The following SLC39A9 variants were observed in gnomAD, a reference collection of about 807,000 sequenced individuals.
SLC39A9 encodes the protein solute carrier family 39 member 9, also known as zinc transporter ZIP9.
SLC39A9 carries 14 observed loss-of-function variants against 28.4 expected under a neutral mutation model. That is an observed-to-expected ratio of 0.49 (90% confidence interval 0.33 to 0.77). The LOEUF (loss-of-function observed/expected upper bound fraction) is 0.77. Among genes scored for constraint, SLC39A9 ranks in the 30% least tolerant of loss-of-function variants. The pLI is 0.02. For synonymous variants in SLC39A9, 119 were observed against 149.6 expected (o/e 0.80, Z 1.49); for missense variants, 283 against 381.1 (o/e 0.74, Z 2.14).
chr14:69,398,556 A>G (rs1882437101), upstream of SLC39A9: 1 of 471,698 alleles, frequency 2.1e-6, no homozygotes, highest in Admixed American at 3.7e-5. Context: ...CGGTATAGAC[A>G]GTGACATCAG....
At position 69,461,460 on chromosome 14, in the gene SLC39A9, AACAGTACT is replaced by A. The variant is rs1167360154; in HGVS notation, c.*2870_*2877del. On this transcript the variant is annotated 3_prime_UTR_variant, in exon 7 of 7. Transcript: ENST00000336643. ...CTGCACTGGAACGTAGACAGTTGGA[AACAGTACT>A]ACCTACCTAGAGGTTATGTGTTTTC... is the stretch of plus-strand genomic sequence containing the variant. The A allele has an allele frequency of 2.9e-6, 4 of 1,363,482 alleles. No individual in the cohort carries two copies. The African/African-American group carries it at 5.8e-5, about 20-fold the overall frequency. The allele number at this position is 1,363,482 out of a possible 1,614,324, so 84.5% of individuals were successfully genotyped here.
In SLC39A9 at chr14:69,459,955, ACCT is replaced by A; in HGVS notation, c.*1367_*1369del. On this transcript the variant is annotated 3_prime_UTR_variant, in exon 7 of 7. Coordinates refer to ENST00000336643, the MANE Select transcript of SLC39A9 (RefSeq NM_018375.5). ...CGCTTTGTTGAGCCCTTAAAATACC[ACCT>A]CCTCATGTGTAAATTGACACAATCA... 1 of 985,326 alleles carries A rather than the reference ACCT, an allele frequency of 1.0e-6. No individual in the cohort carries two copies. The highest frequency in any genetic ancestry group is 1.2e-6 in the Non-Finnish European group (1 of 829,738). 61.0% of individuals were successfully genotyped at this position (985,326 alleles called of 1,614,324 possible).
In SLC39A9 at chr14:69,415,507, C is replaced by T. The variant is rs115585085; in HGVS notation, c.97-8587C>T. 2.9e-3 allele frequency among the ~76,000 whole-genome samples: 445 copies of T among 152,204 alleles called. 3 individuals are homozygous for T. Among genetic ancestry groups the T allele is most frequent in the African/African-American group, 0.01 (433 of 41,530 alleles). ...TATTGAGTTGTAGAAGTTCTTTCTA[C>T]TTCAAATACAAATCCTTTGTCAGCG... On this transcript the variant is annotated intron_variant, in intron 1 of 6. Transcript: ENST00000336643.
At position 69,458,630 on chromosome 14, in the gene SLC39A9, C is replaced by T; in HGVS notation, c.*37C>T. 2 of 1,549,490 alleles carry T rather than the reference C, an allele frequency of 1.3e-6. No individual in the cohort carries two copies. The highest frequency in any genetic ancestry group is 1.2e-5 in the South Asian group (1 of 85,332). ...CCAGCCTTGGTCCAGGGCCGTTTGCCATCCAGTGAGAACAGCCGGCACGTG... is the reference window on the plus strand; with the variant it reads ...CCAGCCTTGGTCCAGGGCCGTTTGCTATCCAGTGAGAACAGCCGGCACGTG... On this transcript the variant is annotated 3_prime_UTR_variant, in exon 7 of 7. Transcript: ENST00000336643.
intron 1 of SLC39A9, among the ~76,000 whole-genome samples, chr14:69,409,850 A>G (rs1297620596): frequency 6.6e-6 from 1 of 152,222 alleles, no homozygotes; most frequent in East Asian, 1.9e-4. Context: ...TTCTCAATCT[A>G]TATTACCAGT....
Position 69,461,810 on chromosome 14 carries a change from G to C in SLC39A9, c.*3217G>C. On this transcript the variant is annotated 3_prime_UTR_variant, in exon 7 of 7. Coordinates refer to ENST00000336643, the MANE Select transcript of SLC39A9 (RefSeq NM_018375.5). ...ACAGCAGCACAAACCCCCAAAGGAT[G>C]TTCCTGCCTTGTGGGCCCCTGAGCC... 1 of 1,475,498 alleles carries C rather than the reference G, an allele frequency of 6.8e-7. No individual in the cohort carries two copies. Among genetic ancestry groups the C allele is most frequent in the Middle Eastern group, 1.9e-4 (1 of 5,394 alleles). The allele number at this position is 1,475,498 out of a possible 1,614,324, so 91.4% of individuals were successfully genotyped here.
chr14:69,398,973 G>C lies in SLC39A9; in HGVS notation c.-397G>C. On this transcript the variant is annotated 5_prime_UTR_variant, in exon 1 of 7. Transcript: ENST00000336643. ...TTGGAGACAGGGGCGCCTAGGGAACGAACAGGTTCGCTTGAGTCACTTACC... is the reference window on the plus strand; with the variant it reads ...TTGGAGACAGGGGCGCCTAGGGAACCAACAGGTTCGCTTGAGTCACTTACC... 5.1e-6 allele frequency: 1 copy of C among 197,592 alleles called. No individual in the cohort carries two copies. The highest frequency in any genetic ancestry group is 1.0e-5 in the Non-Finnish European group (1 of 96,552). 12.2% of individuals were successfully genotyped at this position (197,592 alleles called of 1,614,324 possible). A position where few individuals can be genotyped will look rare whatever the true frequency, so the allele number is the denominator to read the frequency against.
chr14:69,412,390 A>AAAATAAATAAATAAAT (rs201794769), intron 1 of SLC39A9, among the ~76,000 whole-genome samples: 3 of 142,182 alleles, frequency 2.1e-5, no homozygotes, highest in Non-Finnish European at 3.0e-5. Flanking sequence ...CTCCATCTCA[A>AAAATAAATAAATAAAT]AAATAAATAA....
At position 69,461,973 on chromosome 14, in the gene SLC39A9, C is replaced by T. The variant is rs978016563; in HGVS notation, c.*3380C>T. The T allele has an allele frequency of 4.9e-6, 2 of 406,570 alleles. No homozygotes were observed. Among genetic ancestry groups the T allele is most frequent in the East Asian group, 7.0e-5 (2 of 28,404 alleles). The allele number at this position is 406,570 out of a possible 1,614,324, so 25.2% of individuals were successfully genotyped here. On this transcript the variant is annotated 3_prime_UTR_variant, in exon 7 of 7. Transcript: ENST00000336643. ...CTCAATACAGAATGGTCCACATCAC[C>T]CAAAGTGCACTGTTGGAGATGCTGT...
At chr14:69,416,486 C>T (rs1286950739) in intron 1 of SLC39A9, among the ~76,000 whole-genome samples, 2 of 152,166 alleles carry the variant, frequency 1.3e-5, no homozygotes, top group Non-Finnish European at 2.9e-5. Context: ...GGTATATACC[C>T]AGTAATGGGA....
chr14:69,434,908 TTC>T (rs1283595288), intron 2 of SLC39A9, among the ~76,000 whole-genome samples: 1 of 152,224 alleles, frequency 6.6e-6, no homozygotes, highest in Admixed American at 6.5e-5. Flanking sequence ...CCCCGATTCT[TTC>T]TGTTACTGAT....
chr14:69,414,841 T>C (rs980011675), intron 1 of SLC39A9, among the ~76,000 whole-genome samples: 1 of 152,246 alleles, frequency 6.6e-6, no homozygotes, highest in Non-Finnish European at 1.5e-5. Context: ...TGTTCTGATT[T>C]CAATCTTTAT....
At chr14:69,454,097 A>T (rs1186219656) in intron 4 of SLC39A9, among the ~76,000 whole-genome samples, 1 of 152,236 alleles carries the variant, frequency 6.6e-6, no homozygotes, top group African/African-American at 2.4e-5. Context: ...TCATAACCCA[A>T]ACCTAGTCCT....
chr14:69,419,314 A>C (rs911208225), intron 1 of SLC39A9, among the ~76,000 whole-genome samples: 1 of 152,144 alleles, frequency 6.6e-6, no homozygotes, highest in African/African-American at 2.4e-5. Flanking sequence ...TGCGGTTTTG[A>C]GTGAATTTCT....
intron 2 of SLC39A9, among the ~76,000 whole-genome samples, chr14:69,439,196 G>A (rs530286169): frequency 2.6e-5 from 4 of 152,252 alleles, no homozygotes; most frequent in South Asian, 2.1e-4. Flanking sequence ...TAGCATCAGA[G>A]GGGGAGGGAA....
intron 6 of SLC39A9, among the ~76,000 whole-genome samples, chr14:69,456,997 GTCAGTT>G (rs1406672621): frequency 6.6e-6 from 1 of 152,142 alleles, no homozygotes; most frequent in Non-Finnish European, 1.5e-5. Context: ...AGTAATCAGT[GTCAGTT>G]TTTTAACCTT....
chr14:69,411,631 G>T (rs1265568643), intron 1 of SLC39A9, among the ~76,000 whole-genome samples: 12 of 152,124 alleles, frequency 7.9e-5, no homozygotes, highest in Admixed American at 7.9e-4. Flanking sequence ...GCAAAAGAAA[G>T]AACCTGTCAG....
chr14:69,443,260 T>TATTTGCAG (rs1318353268), intron 3 of SLC39A9, among the ~76,000 whole-genome samples: 4 of 152,254 alleles, frequency 2.6e-5, no homozygotes, highest in South Asian at 2.1e-4. Flanking sequence ...AGATAGGAAA[T>TATTTGCAG]ATTGGAAAGC....
intron 2 of SLC39A9, among the ~76,000 whole-genome samples, chr14:69,427,490 C>A (rs921661223): frequency 6.6e-6 from 1 of 152,140 alleles, no homozygotes; most frequent in African/African-American, 2.4e-5. Flanking sequence ...TACACATCTA[C>A]AAGTTTTGAC....
Sources: gnomAD v4.1 joint callset for allele counts (sites outside exome capture counted in the v4.1 genomes callset) on GRCh38, gnomAD v4.1.1 for gene constraint, MANE v1.5 for transcripts, NCBI Gene and HGNC (gene_info 2026-07-23, HGNC 2026-07-21) for gene names.